Variants in GUCY1A2 observed in about 807,000 individuals in gnomAD.
GUCY1A2 encodes the protein guanylate cyclase 1 soluble subunit alpha 2.
Under a neutral mutation model 63.5 loss-of-function variants are expected in GUCY1A2, and 27 were observed. That is an observed-to-expected ratio of 0.43 (90% confidence interval 0.31 to 0.59). The LOEUF (loss-of-function observed/expected upper bound fraction) is 0.59. Among genes scored for constraint, GUCY1A2 ranks in the 20% least tolerant of loss-of-function variants. The probability of loss-of-function intolerance (pLI) is 0.11; values close to 1 mark genes in which losing one functional copy is unlikely to be tolerated. For missense variants in GUCY1A2, 768 were observed against 913.3 expected, an observed-to-expected ratio of 0.84 and a Z score of 2.05; for synonymous variants, 364 against 343.5, an observed-to-expected ratio of 1.06 and a Z score of -0.66.
chr11:106,931,736 T>C (rs1860605464), intron 4 of GUCY1A2, among the ~76,000 whole-genome samples: 1 of 152,116 alleles, frequency 6.6e-6, no homozygotes. Flanking sequence ...AAAAGAAAGA[T>C]AACTAATTGT....
chr11:106,687,517 T>A lies in GUCY1A2; in HGVS notation c.*32A>T. On this transcript the variant is annotated 3_prime_UTR_variant, in exon 8 of 8. Coordinates refer to ENST00000526355, the MANE Select transcript of GUCY1A2 (RefSeq NM_000855.3). ...GGTGACCCATGTTCTGGGCTTGTGC[T>A]TTTTGGAGGAGTCTTTGATCTGTAG... 3 of 1,538,018 alleles carry A rather than the reference T, an allele frequency of 2.0e-6. No individual in the cohort carries two copies. Among genetic ancestry groups the A allele is most frequent in the Non-Finnish European group, 2.7e-6 (3 of 1,111,268 alleles).
intron 4 of GUCY1A2, among the ~76,000 whole-genome samples, chr11:106,819,280 A>G (rs549973668): frequency 6.6e-6 from 1 of 152,330 alleles, no homozygotes; most frequent in South Asian, 2.1e-4. Flanking sequence ...ATTACCTAAA[A>G]TTAGTTGATA....
At chr11:106,783,169 C>T (rs1864495641) in intron 5 of GUCY1A2, among the ~76,000 whole-genome samples, 1 of 152,284 alleles carries the variant, frequency 6.6e-6, no homozygotes, top group South Asian at 2.1e-4. Context: ...AAGGCCCTGA[C>T]ACAGACAAGG....
At chr11:106,836,345 ATGT>A (rs1294304223) in intron 4 of GUCY1A2, among the ~76,000 whole-genome samples, 3 of 152,008 alleles carry the variant, frequency 2.0e-5, no homozygotes, top group Non-Finnish European at 2.9e-5. Flanking sequence ...GAAAAATAAA[ATGT>A]TATTAAGAAA....
At chr11:107,012,672 T>C (rs1861764286) in intron 1 of GUCY1A2, among the ~76,000 whole-genome samples, 1 of 152,158 alleles carries the variant, frequency 6.6e-6, no homozygotes. Context: ...GGGGATAAGG[T>C]AAAGAAAGGC....
At chr11:106,904,521 C>G (rs1158287923) in intron 4 of GUCY1A2, among the ~76,000 whole-genome samples, 2 of 152,008 alleles carry the variant, frequency 1.3e-5, no homozygotes, top group African/African-American at 2.4e-5. Context: ...ACTTAACAAT[C>G]AATTTCAGAG....
rs181970847 is a variant in GUCY1A2 at position 106,990,609 on chromosome 11, G to A, written c.304-4478C>T. On this transcript the variant is annotated intron_variant, in intron 1 of 7. Transcript: ENST00000526355. ...TCTGTGTGTGTGTGTGTGCGCGCAC[G>A]CGCAGCGTGAAACACAGTTGTCATC... Among the ~76,000 whole-genome samples the A allele has an allele frequency of 3.1e-4, 47 of 152,374 alleles. 1 individual carries two copies. The highest frequency in any genetic ancestry group is 9.1e-4 in the African/African-American group (38 of 41,598).
rs182370966 is a variant in GUCY1A2, at chr11:106,710,740, C to G, written c.1837-2074G>C. Among the ~76,000 whole-genome samples, 808 of 151,976 alleles carry G rather than the reference C, an allele frequency of 5.3e-3. 11 individuals carry two copies. Among genetic ancestry groups the G allele is most frequent in the African/African-American group, 0.019 (770 of 41,444 alleles). On this transcript the variant is annotated intron_variant, in intron 6 of 7. Coordinates refer to ENST00000526355, the MANE Select transcript of GUCY1A2 (RefSeq NM_000855.3). ...TGGGGTTATACTGACACAGTCTACA[C>G]CAAATAACTGAAGCGAATGGATAAC...
intron 1 of GUCY1A2, among the ~76,000 whole-genome samples, chr11:107,000,759 ACTCT>A (rs961987914): frequency 3.9e-5 from 6 of 152,136 alleles, no homozygotes; most frequent in South Asian, 2.1e-4. Flanking sequence ...AATTTGTAAG[ACTCT>A]CTCTATCCTT....
intron 6 of GUCY1A2, among the ~76,000 whole-genome samples, chr11:106,710,468 G>A (rs1269591031): frequency 1.4e-5 from 2 of 144,748 alleles, no homozygotes. Flanking sequence ...ATAGTACCTA[G>A]AGCAAAGCAG....
In GUCY1A2 at chr11:106,752,593, T is replaced by C. The variant is rs188084639; in HGVS notation, c.1836+23846A>G. On this transcript the variant is annotated intron_variant, in intron 6 of 7. Coordinates refer to ENST00000526355, the MANE Select transcript of GUCY1A2 (RefSeq NM_000855.3). ...GTTCTCATTGTTCAACTCCCACTTATGAGTGAGAATATGCAGTGTTGGTTT... is the reference window on the plus strand; with the variant it reads ...GTTCTCATTGTTCAACTCCCACTTACGAGTGAGAATATGCAGTGTTGGTTT... Among the ~76,000 whole-genome samples the C allele has an allele frequency of 9.9e-5, 15 of 152,166 alleles. 1 individual carries two copies. The highest frequency in any genetic ancestry group is 7.9e-4 in the Admixed American group (12 of 15,282).
intron 3 of GUCY1A2, among the ~76,000 whole-genome samples, chr11:106,962,704 A>C (rs1861074795): frequency 6.6e-6 from 1 of 150,950 alleles, no homozygotes. Context: ...AATAAATTTG[A>C]AATGTGAGAA....
intron 5 of GUCY1A2, among the ~76,000 whole-genome samples, chr11:106,808,050 C>A (rs1858715356): frequency 6.6e-6 from 1 of 152,126 alleles, no homozygotes; most frequent in South Asian, 2.1e-4. Context: ...GGGATTCCAC[C>A]TTGTGACTGT....
chr11:106,820,941 G>A (rs1858893893), intron 4 of GUCY1A2, among the ~76,000 whole-genome samples: 1 of 151,930 alleles, frequency 6.6e-6, no homozygotes, highest in Non-Finnish European at 1.5e-5. Context: ...TTATCTCTGT[G>A]CTTTTTTATT....
intron 7 of GUCY1A2, among the ~76,000 whole-genome samples, chr11:106,702,402 T>A (rs1862831205): frequency 6.6e-6 from 1 of 152,186 alleles, no homozygotes; most frequent in African/African-American, 2.4e-5. Context: ...AATTAAATAT[T>A]ATAACTTCTT....
chr11:106,783,481 A>G (rs778045749), intron 5 of GUCY1A2, among the ~76,000 whole-genome samples: 9 of 152,114 alleles, frequency 5.9e-5, no homozygotes, highest in Non-Finnish European at 7.3e-5. Context: ...TTCCCTCCAC[A>G]TGACAGTTGG....
chr11:106,855,712 T>C (rs1338582163), intron 4 of GUCY1A2, among the ~76,000 whole-genome samples: 1 of 152,082 alleles, frequency 6.6e-6, no homozygotes, highest in Non-Finnish European at 1.5e-5. Context: ...ACCATAAAGG[T>C]AAGGGTTTAT....
At chr11:106,998,807 AC>A (rs1456503402) in intron 1 of GUCY1A2, among the ~76,000 whole-genome samples, 2 of 150,182 alleles carry the variant, frequency 1.3e-5, no homozygotes, top group African/African-American at 2.4e-5. Flanking sequence ...TAAAAAAAAA[AC>A]AGTTTATAAT....
chr11:106,682,091 A>G lies in GUCY1A2; in HGVS notation c.*5458T>C. 1 of 204,882 alleles carries G rather than the reference A, an allele frequency of 4.9e-6. No individual in the cohort carries two copies. The highest frequency in any genetic ancestry group is 9.7e-6 in the Non-Finnish European group (1 of 103,410). The allele number at this position is 204,882 out of a possible 1,614,324, so 12.7% of individuals were successfully genotyped here. A position where few individuals can be genotyped will look rare whatever the true frequency, so the allele number is the denominator to read the frequency against. Reference sequence around the variant, plus strand: ...TGTATCTAGTATGCCTAATAGCCCTATAGTGAGCAATATTCATCCCTCATG... The same window carrying G: ...TGTATCTAGTATGCCTAATAGCCCTGTAGTGAGCAATATTCATCCCTCATG... On this transcript the variant is annotated 3_prime_UTR_variant, in exon 8 of 8. Coordinates refer to ENST00000526355, the MANE Select transcript of GUCY1A2 (RefSeq NM_000855.3).
Sources: gnomAD v4.1 joint callset for allele counts (sites outside exome capture counted in the v4.1 genomes callset) on GRCh38, gnomAD v4.1.1 for gene constraint, MANE v1.5 for transcripts, NCBI Gene and HGNC (gene_info 2026-07-23, HGNC 2026-07-21) for gene names.